MYO5A: variants seen among roughly 807,000 people sequenced by gnomAD.
MYO5A encodes myosin VA, also known as unconventional myosin-Va.
Under a neutral mutation model 249.7 loss-of-function variants are expected in MYO5A, and 98 were observed. The observed-to-expected ratio is 0.39, with a 90% CI of 0.33 to 0.46. The LOEUF is 0.46. Among genes scored for constraint, MYO5A ranks in the 20% least tolerant of loss-of-function variants. The pLI, the probability that MYO5A is intolerant of heterozygous loss-of-function variation, is 0.98. For missense variants in MYO5A, 1,696 were observed against 2,308.8 expected (o/e 0.73, Z 5.44); for synonymous variants, 778 against 810.6 (o/e 0.96, Z 0.68).
intron 20 of MYO5A, among the ~76,000 whole-genome samples, chr15:52,374,160 A>G (rs1739349177): frequency 6.6e-6 from 1 of 152,100 alleles, no homozygotes. Flanking sequence ...AAAGAGATAA[A>G]AATCGTTCAT....
At position 52,370,172 on chromosome 15, in the gene MYO5A, CTCTGTT is replaced by C; in HGVS notation, c.3057_3062del (p.Thr1020_Glu1021del). On this transcript the variant is annotated inframe_deletion, in exon 22 of 42. Coordinates refer to ENST00000399233, the MANE Select transcript of MYO5A (RefSeq NM_001382347.1). ...GGGATATGGACATTATTCCTACCTG[CTCTGTT>C]TCTTGTTTGTATCGATCTGCATGTT... 6.2e-7 allele frequency: 1 copy of C among 1,614,000 alleles called. No individual in the cohort carries two copies. The highest frequency in any genetic ancestry group is 8.5e-7 in the Non-Finnish European group (1 of 1,179,936).
At chr15:52,462,639 A>G (rs1219937412) in intron 1 of MYO5A, among the ~76,000 whole-genome samples, 1 of 152,096 alleles carries the variant, frequency 6.6e-6, no homozygotes, top group Non-Finnish European at 1.5e-5. Context: ...CCTGAGGTCA[A>G]GAGTTCCAGA....
chr15:52,457,392 G>A (rs1318035264), intron 1 of MYO5A, among the ~76,000 whole-genome samples: 1 of 145,374 alleles, frequency 6.9e-6, no homozygotes, highest in East Asian at 2.0e-4. Context: ...GACTGCACCA[G>A]CCTAAGTGAC....
chr15:52,449,668 T>G (rs2075973201), intron 1 of MYO5A, among the ~76,000 whole-genome samples: 1 of 152,148 alleles, frequency 6.6e-6, no homozygotes, highest in Non-Finnish European at 1.5e-5. Context: ...TGCCCAGACC[T>G]CTAAGCTAAG....
chr15:52,355,793 G>C (rs1596334577), intron 25 of MYO5A, among the ~76,000 whole-genome samples: 1 of 152,190 alleles, frequency 6.6e-6, no homozygotes, highest in East Asian at 1.9e-4. Context: ...TTTTATATAA[G>C]AGACTTGAGC....
At chr15:52,520,336 C>T (rs964793803) in intron 1 of MYO5A, among the ~76,000 whole-genome samples, 6 of 152,292 alleles carry the variant, frequency 3.9e-5, no homozygotes, top group Admixed American at 1.3e-4. Flanking sequence ...CTTGACCACT[C>T]ATGGTGCTCC....
intron 9 of MYO5A, among the ~76,000 whole-genome samples, chr15:52,400,180 A>T (rs17613951): frequency 0.15 from 22,944 of 151,532 alleles, 1,810 homozygotes; most frequent in Middle Eastern, 0.22. Context: ...TTTTCAATCC[A>T]TTTTCCTCTC....
intron 2 of MYO5A, among the ~76,000 whole-genome samples, chr15:52,430,806 G>A (rs986396161): frequency 6.6e-6 from 1 of 152,040 alleles, no homozygotes; most frequent in East Asian, 1.9e-4. Context: ...TAATGAATAA[G>A]TAATATAGCT....
At chr15:52,413,758 T>G (rs145426351) in intron 5 of MYO5A, among the ~76,000 whole-genome samples, 73 of 152,282 alleles carry the variant, frequency 4.8e-4, no homozygotes, top group African/African-American at 1.6e-3. Context: ...TTATTGAAAA[T>G]TAGTTCAACT....
chr15:52,343,116 C>T lies in MYO5A; in HGVS notation c.4040+1G>A, dbSNP rs1475585537. The T allele has an allele frequency of 6.2e-7, 1 of 1,608,546 alleles. No individual in the cohort carries two copies. The highest frequency in any genetic ancestry group is 2.2e-5 in the East Asian group (1 of 44,850). ...TTCCATTTTGAGGAGACAAATATAACCTGTTGGCTTGTTTTAACCCTTCAT... is the reference window on the plus strand; with the variant it reads ...TTCCATTTTGAGGAGACAAATATAATCTGTTGGCTTGTTTTAACCCTTCAT... On this transcript the variant is annotated splice_donor_variant, in intron 31 of 41. Transcript: ENST00000399233. LOFTEE classifies it high-confidence loss of function.
intron 1 of MYO5A, among the ~76,000 whole-genome samples, chr15:52,441,684 T>C (rs2075788925): frequency 6.6e-6 from 1 of 152,200 alleles, no homozygotes; most frequent in Non-Finnish European, 1.5e-5. Flanking sequence ...TCTAACAGGC[T>C]TTTCCTGACT....
At chr15:52,324,569 AT>A (rs905849902) in intron 36 of MYO5A, among the ~76,000 whole-genome samples, 1 of 151,190 alleles carries the variant, frequency 6.6e-6, no homozygotes, top group South Asian at 2.1e-4. Flanking sequence ...TTAGAAGCTA[AT>A]TTTTTTTTGC....
At chr15:52,348,346 A>C (rs1253104194) in intron 29 of MYO5A, among the ~76,000 whole-genome samples, 1 of 152,262 alleles carries the variant, frequency 6.6e-6, no homozygotes, top group Admixed American at 6.5e-5. Context: ...CAACCTCGTC[A>C]ACGAGCCACA....
At chr15:52,317,942 G>A (rs927127690) in intron 39 of MYO5A, among the ~76,000 whole-genome samples, 4 of 152,158 alleles carry the variant, frequency 2.6e-5, no homozygotes, top group Non-Finnish European at 5.9e-5. Context: ...ATAATATTGC[G>A]ACAGGTGGCT....
intron 1 of MYO5A, among the ~76,000 whole-genome samples, chr15:52,443,864 T>G (rs2075835441): frequency 6.6e-6 from 1 of 151,700 alleles, no homozygotes; most frequent in Non-Finnish European, 1.5e-5. Context: ...ACCTGCACAG[T>G]CCCAGCTACT....
rs201961375 is a variant in MYO5A at position 52,330,351 on chromosome 15, G to A, written c.4555+2C>T. 352 of 1,613,868 alleles carry A rather than the reference G, an allele frequency of 2.2e-4. No homozygotes were observed. Among genetic ancestry groups the A allele is most frequent in the Non-Finnish European group, 2.9e-4 (339 of 1,179,954 alleles). ...CTTTTATCCAATGCAGAAAATACTT[G>A]CCCAGAATCAGGTTCTTAACAAGTT... is the stretch of plus-strand genomic sequence containing the variant. On this transcript the variant is annotated splice_donor_variant, in intron 35 of 41. Transcript: ENST00000399233. LOFTEE classifies it low-confidence loss of function (GC_TO_GT_DONOR).
At chr15:52,444,078 T>A (rs924893710) in intron 1 of MYO5A, among the ~76,000 whole-genome samples, 1 of 152,230 alleles carries the variant, frequency 6.6e-6, no homozygotes, top group African/African-American at 2.4e-5. Flanking sequence ...TGCAAATTGA[T>A]GGATATGCTT....
chr15:52,364,703 C>A lies in MYO5A; in HGVS notation c.3161-1G>T. On this transcript the variant is annotated splice_acceptor_variant, in intron 23 of 41. Coordinates refer to ENST00000399233, the MANE Select transcript of MYO5A (RefSeq NM_001382347.1). LOFTEE classifies it high-confidence loss of function. Reference sequence around the variant, plus strand: ...TCTACTAACTTCTTCTCCATAGTTTCTGAAATTAAAAAAAGGATATGCATA... The same window carrying A: ...TCTACTAACTTCTTCTCCATAGTTTATGAAATTAAAAAAAGGATATGCATA... 6.2e-7 allele frequency: 1 copy of A among 1,613,304 alleles called. No homozygotes were observed.
At chr15:52,365,085 C>A (rs76242523) in intron 23 of MYO5A, among the ~76,000 whole-genome samples, 1,660 of 152,250 alleles carry the variant, frequency 0.011, 25 homozygotes, top group African/African-American at 0.038. Flanking sequence ...CTCAAAATGA[C>A]CTCCTCACAG....
Sources: gnomAD v4.1 joint callset for allele counts (sites outside exome capture counted in the v4.1 genomes callset) on GRCh38, gnomAD v4.1.1 for gene constraint, MANE v1.5 for transcripts, NCBI Gene and HGNC (gene_info 2026-07-23, HGNC 2026-07-21) for gene names.